The following KLHDC1 variants were observed in gnomAD, a reference collection of about 807,000 sequenced individuals.
The protein encoded by KLHDC1 is kelch domain-containing protein 1.
Under a neutral mutation model 68.3 loss-of-function variants are expected in KLHDC1, and 53 were observed. The observed-to-expected ratio is 0.78, with a 90% CI of 0.62 to 0.98. KLHDC1 has a LOEUF of 0.98. Among genes scored for constraint, KLHDC1 ranks in the 50% least tolerant of loss-of-function variants. KLHDC1 has a pLI of 0.00. For missense variants in KLHDC1, 470 were observed against 492.3 expected (o/e 0.95, Z 0.43); for synonymous variants, 148 against 159.0 (o/e 0.93, Z 0.52).
At chr14:49,712,941 A>T (rs1485943979) in intron 4 of KLHDC1, among the ~76,000 whole-genome samples, 1 of 148,506 alleles carries the variant, frequency 6.7e-6, no homozygotes, top group African/African-American at 2.5e-5. Flanking sequence ...TGCCCGGCCC[A>T]TAGCTAACTT....
chr14:49,734,580 A>G lies in KLHDC1; in HGVS notation c.824-9A>G. On this transcript the variant is annotated splice_polypyrimidine_tract_variant and intron_variant, in intron 9 of 12. Coordinates refer to ENST00000359332, the MANE Select transcript of KLHDC1 (RefSeq NM_172193.3). ...TAATCTTAATTTCTGAACTGTCATG[A>G]TATTGCAGGTGATGGTTGGATTCAT... 6.5e-7 allele frequency: 1 copy of G among 1,549,504 alleles called. No individual in the cohort carries two copies. The highest frequency in any genetic ancestry group is 8.8e-7 in the Non-Finnish European group (1 of 1,133,962).
intron 4 of KLHDC1, among the ~76,000 whole-genome samples, chr14:49,712,135 G>T (rs1888221671): frequency 6.6e-6 from 1 of 151,476 alleles, no homozygotes; most frequent in African/African-American, 2.4e-5. Flanking sequence ...AGCCAGGATG[G>T]TCTCGATCTC....
Position 49,751,560 on chromosome 14 carries a change from A to C in KLHDC1, c.1035-26A>C, listed in dbSNP as rs201873203. 585 of 1,234,004 alleles carry C rather than the reference A, an allele frequency of 4.7e-4. 3 individuals carry two copies. The highest frequency in any genetic ancestry group is 7.7e-4 in the African/African-American group (50 of 65,018). 76.4% of individuals were successfully genotyped at this position (1,234,004 alleles called of 1,614,324 possible). On this transcript the variant is annotated intron_variant, in intron 12 of 12. Transcript: ENST00000359332. ...TATTATAACCTCAGGTTCAAGACTAATAATTCTGTTATGTTTTATTTACAG... is the reference window on the plus strand; with the variant it reads ...TATTATAACCTCAGGTTCAAGACTACTAATTCTGTTATGTTTTATTTACAG...
chr14:49,694,752 G>A (rs527434956), intron 1 of KLHDC1, among the ~76,000 whole-genome samples: 1 of 152,168 alleles, frequency 6.6e-6, no homozygotes, highest in Non-Finnish European at 1.5e-5. Context: ...TACTCGGGAG[G>A]CTGAGGCAGG....
chr14:49,726,591 A>G (rs928855904), intron 6 of KLHDC1, among the ~76,000 whole-genome samples: 3 of 152,366 alleles, frequency 2.0e-5, no homozygotes, highest in African/African-American at 7.2e-5. Context: ...CCTTGAATTC[A>G]GAGGTACATG....
chr14:49,724,549 G>A (rs1489430828), intron 5 of KLHDC1, among the ~76,000 whole-genome samples: 2 of 151,194 alleles, frequency 1.3e-5, no homozygotes, highest in Admixed American at 6.6e-5. Flanking sequence ...ACATATATAT[G>A]TGTATATATA....
chr14:49,718,385 A>T (rs148273249), intron 4 of KLHDC1, among the ~76,000 whole-genome samples: 21 of 151,924 alleles, frequency 1.4e-4, no homozygotes, highest in Non-Finnish European at 2.9e-4. Context: ...AGCTCAGGTG[A>T]TTCTCCCACC....
chr14:49,719,988 ATTTT>A (rs71441254), intron 4 of KLHDC1, among the ~76,000 whole-genome samples: 4 of 130,654 alleles, frequency 3.1e-5, no homozygotes, highest in Admixed American at 7.8e-5. Context: ...CACCAAGCTC[ATTTT>A]TTTTTTTTTT....
chr14:49,699,454 G>A (rs1021318799), intron 1 of KLHDC1, among the ~76,000 whole-genome samples: 7 of 151,182 alleles, frequency 4.6e-5, no homozygotes, highest in African/African-American at 7.3e-5. Context: ...TGGCATATCC[G>A]GAGAAAAAGT....
chr14:49,726,802 TTC>T (rs1234855581), intron 6 of KLHDC1, among the ~76,000 whole-genome samples: 1 of 152,194 alleles, frequency 6.6e-6, no homozygotes, highest in Non-Finnish European at 1.5e-5. Flanking sequence ...TCACAATACT[TTC>T]TGTCTTTCTG....
intron 12 of KLHDC1, among the ~76,000 whole-genome samples, chr14:49,749,309 A>T (rs1889271107): frequency 6.6e-6 from 1 of 152,154 alleles, no homozygotes; most frequent in African/African-American, 2.4e-5. Context: ...TCATGTAAAT[A>T]ATCATTCAGT....
At chr14:49,709,376 T>C in intron 2 of KLHDC1, 147 bp downstream of exon 2, 1 of 494,824 alleles carries the variant, frequency 2.0e-6, no homozygotes, top group Non-Finnish European at 3.5e-6. Context: ...TTTTATTTTC[T>C]GACTCTTTCA....
chr14:49,709,151 A>G lies in KLHDC1; in HGVS notation c.97-8A>G, dbSNP rs982871596. ...ATAAACATAATTTTATGTATTCTGT[A>G]TTTTTAGTCTATTGAAGACAATGAA... On this transcript the variant is annotated splice_polypyrimidine_tract_variant and splice_region_variant and intron_variant, in intron 1 of 12. Transcript: ENST00000359332. 1.6e-5 allele frequency: 18 copies of G among 1,137,168 alleles called. No homozygotes were observed. Among genetic ancestry groups the G allele is most frequent in the Non-Finnish European group, 2.2e-5 (17 of 767,166 alleles). The allele number at this position is 1,137,168 out of a possible 1,614,324, so 70.4% of individuals were successfully genotyped here.
At position 49,743,806 on chromosome 14, in the gene KLHDC1, G is replaced by T. The variant is rs1483621348; in HGVS notation, c.1034+1G>T. On this transcript the variant is annotated splice_donor_variant, in intron 12 of 12. Coordinates refer to ENST00000359332, the MANE Select transcript of KLHDC1 (RefSeq NM_172193.3). LOFTEE classifies it high-confidence loss of function. ...AAACACAGCCTTATTCACTACTCAG[G>T]TAAGCAAATTTAATATTTTCTATAT... The T allele has an allele frequency of 2.6e-6, 4 of 1,525,064 alleles. No homozygotes were observed. The highest frequency in any genetic ancestry group is 1.2e-5 in the South Asian group (1 of 86,238). The allele number at this position is 1,525,064 out of a possible 1,614,324, so 94.5% of individuals were successfully genotyped here.
intron 4 of KLHDC1, among the ~76,000 whole-genome samples, chr14:49,713,823 TATATATATATATATATATATATA>T (rs1888283072): frequency 2.1e-3 from 8 of 3,796 alleles, no homozygotes; most frequent in African/African-American, 3.2e-3. Context: ...TATATATATA[TATATATATATATATATATATATA>T]TATATTTTTT....
chr14:49,746,080 G>A (rs1373778146), intron 12 of KLHDC1, among the ~76,000 whole-genome samples: 1 of 152,192 alleles, frequency 6.6e-6, no homozygotes, highest in Non-Finnish European at 1.5e-5. Context: ...AGATATTTAG[G>A]AGGGAGAATG....
chr14:49,709,883 C>A, intron 3 of KLHDC1, 57 bp downstream of exon 3: 2 of 796,030 alleles, frequency 2.5e-6, no homozygotes, highest in Non-Finnish European at 4.0e-6. Context: ...TGCATCATTT[C>A]ATCTCACAAG....
chr14:49,720,277 C>T (rs1239943235), intron 4 of KLHDC1, among the ~76,000 whole-genome samples: 2 of 152,144 alleles, frequency 1.3e-5, no homozygotes, highest in African/African-American at 4.8e-5. Context: ...TGAGCCACAG[C>T]GCTCAGCCTT....
chr14:49,708,773 T>C (rs1021127747), intron 1 of KLHDC1: 3 of 153,876 alleles, frequency 1.9e-5, no homozygotes, highest in African/African-American at 7.2e-5. Flanking sequence ...ATACTTCCTG[T>C]CACCCAAAAT....
Sources: gnomAD v4.1 joint callset for allele counts (sites outside exome capture counted in the v4.1 genomes callset) on GRCh38, gnomAD v4.1.1 for gene constraint, MANE v1.5 for transcripts, NCBI Gene and HGNC (gene_info 2026-07-23, HGNC 2026-07-21) for gene names.